IPO7: variants seen among roughly 807,000 people sequenced by gnomAD.
IPO7 encodes importin 7.
IPO7 carries 13 observed loss-of-function variants against 136.4 expected under a neutral mutation model. That is an observed-to-expected ratio of 0.10 (90% confidence interval 0.06 to 0.15). The LOEUF is 0.15. Ranked by LOEUF, IPO7 falls within the 10% of genes least tolerant of loss-of-function variation. IPO7 has a pLI of 1.00. For missense variants in IPO7, 857 were observed against 1,240.6 expected, an observed-to-expected ratio of 0.69 and a Z score of 4.65; for synonymous variants, 403 against 404.4, an observed-to-expected ratio of 1.00 and a Z score of 0.04.
Position 9,397,341 on chromosome 11 carries a change from A to AAAAAATATATATAT in IPO7, c.85-5948_85-5947insAAAATATATATATA. 4.4e-3 allele frequency among the ~76,000 whole-genome samples: 47 copies of AAAAAATATATATAT among 10,762 alleles called. 5 individuals are homozygous for AAAAAATATATATAT. The highest frequency in any genetic ancestry group is 0.013 in the South Asian group (2 of 152). The allele number at this position is 10,762 out of a possible 152,430, so 7.1% of individuals were successfully genotyped here. A position where few individuals can be genotyped will look rare whatever the true frequency, so the allele number is the denominator to read the frequency against. Reference sequence around the variant, plus strand: ...CTTTACTAAAAATAATTTAAAAAAAAATATATATATATATATATATATATT... The same window carrying AAAAAATATATATAT: ...CTTTACTAAAAATAATTTAAAAAAAAAAAAATATATATATATATATATATATATATATATATATT... On this transcript the variant is annotated intron_variant, in intron 1 of 24. Transcript: ENST00000379719.
At chr11:9,397,115 G>A (rs1176691606) in intron 1 of IPO7, among the ~76,000 whole-genome samples, 1 of 150,944 alleles carries the variant, frequency 6.6e-6, no homozygotes, top group Non-Finnish European at 1.5e-5. Context: ...AACAAAAACA[G>A]TGGTGGTTTT....
chr11:9,424,402 T>C (rs1855174685), intron 10 of IPO7, among the ~76,000 whole-genome samples: 1 of 152,214 alleles, frequency 6.6e-6, no homozygotes, highest in African/African-American at 2.4e-5. Flanking sequence ...AGTTCTGAGT[T>C]AATAAATAAA....
At chr11:9,387,057 T>G (rs533749675) in intron 1 of IPO7, among the ~76,000 whole-genome samples, 1 of 152,212 alleles carries the variant, frequency 6.6e-6, no homozygotes, top group Admixed American at 6.5e-5. Flanking sequence ...GAACATTGAT[T>G]TGGGAGACAG....
chr11:9,441,967 A>T (rs943904930), intron 23 of IPO7, 114 bp from the exon 24 acceptor site: 9 of 552,892 alleles, frequency 1.6e-5, no homozygotes, highest in Non-Finnish European at 3.0e-5. Flanking sequence ...GAGAATATAA[A>T]ATAGATCAGA....
rs377148636 is a variant in IPO7, at chr11:9,397,361, T to TATATATATATTA, written c.85-5925_85-5924insATATATTAATAT. Among the ~76,000 whole-genome samples the TATATATATATTA allele has an allele frequency of 2.5e-3, 106 of 41,808 alleles. 4 individuals are homozygous for TATATATATATTA. Among genetic ancestry groups the TATATATATATTA allele is most frequent in the East Asian group, 9.8e-3 (4 of 408 alleles). 27.4% of individuals were successfully genotyped at this position (41,808 alleles called of 152,430 possible). On this transcript the variant is annotated intron_variant, in intron 1 of 24. Transcript: ENST00000379719. The stretch of plus-strand genomic sequence containing the variant: ...AAAAAAATATATATATATATATATA[T>TATATATATATTA]ATATTAGTCGGGCACGGTGGCAGGT...
rs1347136871 is a variant in IPO7 at position 9,440,652 on chromosome 11, A to G, written c.2893A>G (p.Ile965Val). 6 of 1,608,638 alleles carry G rather than the reference A, an allele frequency of 3.7e-6. No homozygotes were observed. The highest frequency in any genetic ancestry group is 1.3e-5 in the African/African-American group (1 of 74,834). ...TGATGAGTATCAGATATTTAAAGCT[A>G]TCTTTCAAAGTAAGTCAACTTGTTA... ...PVDEYQIFKA[I>V]FQTIQNRNPV... The change falls in exon 23 of 25, where the codon ATC becomes GTC. Residue 965 changes from isoleucine (I) to valine (V), a missense_variant. Ile to Val is a conservative substitution (Grantham distance 29). This residue lies in a region of IPO7 where 119 missense variants were observed against 155.5 expected (regional missense o/e 0.77). Transcript: ENST00000379719.
rs1419967616 is a variant in IPO7, at chr11:9,447,566, TC to T, written c.*2373del. 2.6e-5 allele frequency: 4 copies of T among 152,190 alleles called. No homozygotes were observed. Among genetic ancestry groups the T allele is most frequent in the Admixed American group, 6.5e-5 (1 of 15,276 alleles). The allele number at this position is 152,190 out of a possible 1,614,324, so 9.4% of individuals were successfully genotyped here. On this transcript the variant is annotated 3_prime_UTR_variant, in exon 25 of 25. Coordinates refer to ENST00000379719, the MANE Select transcript of IPO7 (RefSeq NM_006391.3). ...AACTTTTTGAATGTATTTACAATAT[TC>T]TCTTGTAATTAGCTACATAGGGACT...
chr11:9,402,399 C>CAAAAAAAAAA (rs71062846), intron 1 of IPO7, among the ~76,000 whole-genome samples: 6 of 44,902 alleles, frequency 1.3e-4, no homozygotes, highest in African/African-American at 7.2e-4. Flanking sequence ...GACTGTGTCT[C>CAAAAAAAAAA]AAAAAAAAAA....
intron 2 of IPO7, among the ~76,000 whole-genome samples, chr11:9,406,619 C>G (rs896753793): frequency 6.6e-6 from 1 of 151,950 alleles, no homozygotes; most frequent in Non-Finnish European, 1.5e-5. Flanking sequence ...ACCTGTAATC[C>G]CAGCACTTTG....
At chr11:9,402,301 G>A (rs546095285) in intron 1 of IPO7, among the ~76,000 whole-genome samples, 52 of 148,558 alleles carry the variant, frequency 3.5e-4, no homozygotes, top group Non-Finnish European at 6.8e-4. Context: ...TCAGGAGGCT[G>A]AGGCAGAAGA....
Position 9,390,894 on chromosome 11 carries a change from C to A in IPO7, c.84+6047C>A, listed in dbSNP as rs544531283. Among the ~76,000 whole-genome samples, 302 of 152,106 alleles carry A rather than the reference C, an allele frequency of 2.0e-3. 2 individuals carry two copies. Among genetic ancestry groups the A allele is most frequent in the African/African-American group, 7.0e-3 (290 of 41,518 alleles). ...AAGCAATTCTCCTGCCTCAGCCTCC[C>A]GAGTAGCTGGGACTGCAGGCGCCCG... On this transcript the variant is annotated intron_variant, in intron 1 of 24. Transcript: ENST00000379719.
chr11:9,401,041 C>T (rs1854787322), intron 1 of IPO7, among the ~76,000 whole-genome samples: 1 of 151,704 alleles, frequency 6.6e-6, no homozygotes, highest in African/African-American at 2.4e-5. Context: ...ATTAGCTGGG[C>T]GTGGTGGCAT....
rs150529714 is a variant in IPO7, at chr11:9,424,633, C to T, written c.1142-281C>T. On this transcript the variant is annotated intron_variant, in intron 10 of 24. Transcript: ENST00000379719. ...GTGGCAGGCACCTGTAAACCAGCTA[C>T]TTGGGAGGCTGAGGCAGGAGAATTG... is the stretch of plus-strand genomic sequence containing the variant. 3.0e-3 allele frequency among the ~76,000 whole-genome samples: 452 copies of T among 152,240 alleles called. 2 individuals are homozygous for T. In the East Asian group the frequency reaches 0.035, roughly 12 times the overall value.
chr11:9,431,167 A>G (rs1231686038), intron 16 of IPO7, among the ~76,000 whole-genome samples, 164 bp downstream of exon 16: 4 of 152,198 alleles, frequency 2.6e-5, no homozygotes, highest in Non-Finnish European at 2.9e-5. Flanking sequence ...AGTAGAAGGA[A>G]TAGGAAGCAG....
intron 22 of IPO7, 95 bp from the exon 23 acceptor site, chr11:9,440,360 C>A: frequency 1.0e-6 from 1 of 967,068 alleles, no homozygotes; most frequent in South Asian, 1.4e-5. Flanking sequence ...TCACTTGTGA[C>A]TTGTAATTTA....
At chr11:9,423,560 G>T (rs1419853494) in intron 9 of IPO7, among the ~76,000 whole-genome samples, 1 of 152,058 alleles carries the variant, frequency 6.6e-6, no homozygotes, top group African/African-American at 2.4e-5. Context: ...ACTTAATTGC[G>T]ACCTTTGTAC....
intron 4 of IPO7, among the ~76,000 whole-genome samples, chr11:9,411,078 C>G (rs143229666): frequency 6.6e-6 from 1 of 152,180 alleles, no homozygotes; most frequent in African/African-American, 2.4e-5. Flanking sequence ...CCAGCTGTTA[C>G]AGTTCTGGTA....
intron 4 of IPO7, among the ~76,000 whole-genome samples, chr11:9,413,674 T>A (rs1043674541): frequency 2.0e-4 from 29 of 146,482 alleles, no homozygotes; most frequent in Middle Eastern, 4.2e-3. Context: ...CTTGAAGATT[T>A]TTGACCTCAT....
Position 9,425,569 on chromosome 11 carries a change from C to T in IPO7, c.1335+307C>T, listed in dbSNP as rs541101264. On this transcript the variant is annotated intron_variant, in intron 12 of 24. Transcript: ENST00000379719. ...CAGCCTGGCCAACATGGTGAAACCCCGTCTCTACTAAAAATACAAAAATCC... is the reference window on the plus strand; with the variant it reads ...CAGCCTGGCCAACATGGTGAAACCCTGTCTCTACTAAAAATACAAAAATCC... Among the ~76,000 whole-genome samples the T allele has an allele frequency of 7.9e-5, 12 of 152,164 alleles. No individual in the cohort carries two copies. In the South Asian group the frequency reaches 1.0e-3, roughly 13 times the overall value.
Sources: allele counts gnomAD v4.1 joint callset (sites outside exome capture counted in the v4.1 genomes callset), GRCh38; gene constraint gnomAD v4.1.1; regional missense constraint gnomAD v4.1.1; transcripts MANE v1.5; gene names NCBI Gene and HGNC (gene_info 2026-07-23, HGNC 2026-07-21).